PPP2R2B: variants seen among roughly 807,000 people sequenced by gnomAD.
PPP2R2B encodes serine/threonine-protein phosphatase 2A 55 kDa regulatory subunit B beta isoform.
In PPP2R2B, 5 loss-of-function variants were observed where a neutral mutation model predicts 46.0. That is an observed-to-expected ratio of 0.11 (90% CI 0.06 to 0.23). PPP2R2B has a LOEUF of 0.23. Ranked by LOEUF, PPP2R2B falls within the 10% of genes least tolerant of loss-of-function variation. The probability of loss-of-function intolerance (pLI) is 1.00; values close to 1 mark genes in which losing one functional copy is unlikely to be tolerated. For missense variants in PPP2R2B, 367 were observed against 575.0 expected (o/e 0.64, Z 3.70); for synonymous variants, 215 against 206.7 (o/e 1.04, Z -0.34).
intron 5 of PPP2R2B, among the ~76,000 whole-genome samples, chr5:146,656,870 C>T (rs1314390703): frequency 6.6e-6 from 1 of 152,158 alleles, no homozygotes; most frequent in Non-Finnish European, 1.5e-5. Flanking sequence ...CCTCCCTCAC[C>T]ATTCCTTCTG....
rs1392830402 is a variant in PPP2R2B at position 146,667,860 on chromosome 5, A to G, written c.448-17136T>C. Among the ~76,000 whole-genome samples, 5 of 152,172 alleles carry G rather than the reference A, an allele frequency of 3.3e-5. No individual in the cohort carries two copies. The East Asian group carries it at 5.8e-4, about 18-fold the overall frequency. ...AATGAGTCACTCCAGCCCAGATTTT[A>G]TAACACTTTCAGCCCAATTGCTCAG... On this transcript the variant is annotated intron_variant, in intron 5 of 9. Transcript: ENST00000394411.
At chr5:146,813,066 T>C (rs1280565374) in intron 2 of PPP2R2B, among the ~76,000 whole-genome samples, 1 of 150,228 alleles carries the variant, frequency 6.7e-6, no homozygotes, top group Admixed American at 6.7e-5. Flanking sequence ...ACACATCTGG[T>C]GAATCATCCA....
Position 146,644,960 on chromosome 5 carries a change from T to G in PPP2R2B, c.625+5587A>C, listed in dbSNP as rs143106850. Among the ~76,000 whole-genome samples, 966 of 152,280 alleles carry G rather than the reference T, an allele frequency of 6.3e-3. 22 individuals are homozygous for G. The highest frequency in any genetic ancestry group is 0.041 in the Admixed American group (630 of 15,286). ...TTTCCCCAATTCCTGTCTAAGCCAA[T>G]GGAGGATAAGAGAGCCAAGTAGGAC... On this transcript the variant is annotated intron_variant, in intron 6 of 9. Coordinates refer to ENST00000394411, the MANE Select transcript of PPP2R2B (RefSeq NM_181675.4).
chr5:146,882,092 A>G (rs971118754), upstream of PPP2R2B, among the ~76,000 whole-genome samples: 4 of 152,060 alleles, frequency 2.6e-5, no homozygotes, highest in Admixed American at 6.5e-5. Context: ...CCTGGCTAAC[A>G]TGGTGAAACC....
At chr5:146,939,907 T>C (rs1764267630) in intron 1 of PPP2R2B, among the ~76,000 whole-genome samples, 2 of 152,224 alleles carry the variant, frequency 1.3e-5, no homozygotes, top group African/African-American at 4.8e-5. Flanking sequence ...TCAAGTTTTA[T>C]TTACTTGTTT....
At chr5:146,714,018 C>T (rs564590332) in intron 2 of PPP2R2B, among the ~76,000 whole-genome samples, 1 of 151,832 alleles carries the variant, frequency 6.6e-6, no homozygotes, top group East Asian at 1.9e-4. Context: ...GGAGTGAGTG[C>T]ATTAAAATAA....
intron 2 of PPP2R2B, among the ~76,000 whole-genome samples, chr5:146,832,377 A>ATATTTTTTTTTTTTTTTTTTTT (rs1443028400): frequency 9.6e-6 from 1 of 104,298 alleles, no homozygotes. Context: ...GCCATTTTTA[A>ATATTTTTTTTTTTTTTTTTTTT]TCTTTTTTTT....
At chr5:146,738,727 T>C (rs970862821) in intron 2 of PPP2R2B, among the ~76,000 whole-genome samples, 1 of 152,186 alleles carries the variant, frequency 6.6e-6, no homozygotes, top group African/African-American at 2.4e-5. Flanking sequence ...GTCGTTAAAG[T>C]TCTAATTATA....
At chr5:146,793,551 G>A (rs1241297859) in intron 2 of PPP2R2B, among the ~76,000 whole-genome samples, 1 of 152,084 alleles carries the variant, frequency 6.6e-6, no homozygotes, top group Non-Finnish European at 1.5e-5. Context: ...TTATAATTAA[G>A]GAAATCGAGG....
At chr5:146,697,845 A>T in intron 4 of PPP2R2B, 134 bp downstream of exon 4, 1 of 806,578 alleles carries the variant, frequency 1.2e-6, no homozygotes, top group Non-Finnish European at 1.9e-6. Flanking sequence ...GCACTCTGCT[A>T]AGCATCTTGC....
intron 1 of PPP2R2B, among the ~76,000 whole-genome samples, chr5:146,901,006 C>T (rs1314327636): frequency 6.6e-6 from 1 of 152,094 alleles, no homozygotes; most frequent in Non-Finnish European, 1.5e-5. Flanking sequence ...TATATATGTA[C>T]CACATTTTCT....
chr5:146,650,659 T>C lies in PPP2R2B; in HGVS notation c.513A>G (p.Ala171=). 6.2e-7 allele frequency: 1 copy of C among 1,614,078 alleles called. No homozygotes were observed. The highest frequency in any genetic ancestry group is 8.5e-7 in the Non-Finnish European group (1 of 1,179,968). ...ATATGGAGTTGATGTGATATGTGTG[T>C]GCGTTGGCAAATACTCTTCGTGGGG... ...EATPRRVFAN[A]HTYHINSISV... Residue 171 remains alanine, a synonymous_variant, in exon 6 of 10, where the codon GCA becomes GCG. Coordinates refer to ENST00000394411, the MANE Select transcript of PPP2R2B (RefSeq NM_181675.4).
intron 9 of PPP2R2B, 73 bp from the exon 10 acceptor site, chr5:146,590,299 A>G: frequency 6.7e-7 from 1 of 1,489,144 alleles, no homozygotes; most frequent in Non-Finnish European, 9.1e-7. Flanking sequence ...ATACCATGTT[A>G]TGGCCAGCTT....
Position 146,582,777 on chromosome 5 carries a change from C to A in PPP2R2B, c.*7170G>T, listed in dbSNP as rs1001102356. 12 of 152,188 alleles carry A rather than the reference C, an allele frequency of 7.9e-5. No individual in the cohort carries two copies. Among genetic ancestry groups the A allele is most frequent in the African/African-American group, 2.9e-4 (12 of 41,434 alleles). 9.4% of individuals were successfully genotyped at this position (152,188 alleles called of 1,614,324 possible). A position where few individuals can be genotyped will look rare whatever the true frequency, so the allele number is the denominator to read the frequency against. On this transcript the variant is annotated 3_prime_UTR_variant, in exon 10 of 10. Transcript: ENST00000394411. ...AAACAATGATGCAGTCCTCATGGAA[C>A]TAAGGGTGGTTGAGAAAGCATCTCT...
intron 2 of PPP2R2B, among the ~76,000 whole-genome samples, chr5:147,079,467 T>TATATATAC (rs1554091377): frequency 2.1e-5 from 3 of 144,170 alleles, no homozygotes; most frequent in South Asian, 4.4e-4. Flanking sequence ...TATATATATA[T>TATATATAC]ATACATGTGC....
At chr5:146,906,992 G>T (rs1038653453) in intron 1 of PPP2R2B, among the ~76,000 whole-genome samples, 11 of 152,176 alleles carry the variant, frequency 7.2e-5, no homozygotes, top group African/African-American at 2.4e-4. Context: ...ACACAGGAAG[G>T]GGGCGCTGCA....
chr5:146,873,023 C>T (rs1322150859), intron 2 of PPP2R2B, among the ~76,000 whole-genome samples: 1 of 152,170 alleles, frequency 6.6e-6, no homozygotes, highest in African/African-American at 2.4e-5. Context: ...GAGCTTCAGA[C>T]CCAGAAATCC....
In PPP2R2B at chr5:146,585,038, T is replaced by C. The variant is rs1159139824; in HGVS notation, c.*4909A>G. The C allele has an allele frequency of 1.3e-5, 2 of 152,198 alleles. No homozygotes were observed. Among genetic ancestry groups the C allele is most frequent in the African/African-American group, 4.8e-5 (2 of 41,448 alleles). 9.4% of individuals were successfully genotyped at this position (152,198 alleles called of 1,614,324 possible). On this transcript the variant is annotated 3_prime_UTR_variant, in exon 10 of 10. Coordinates refer to ENST00000394411, the MANE Select transcript of PPP2R2B (RefSeq NM_181675.4). Reference sequence around the variant, plus strand: ...ACTTCTGCCCTTCATAGATATCTCATTGTAAAAATGTTTACAGTATGCAAA... The same window carrying C: ...ACTTCTGCCCTTCATAGATATCTCACTGTAAAAATGTTTACAGTATGCAAA...
At chr5:146,929,723 A>G (rs973026191) in intron 1 of PPP2R2B, among the ~76,000 whole-genome samples, 13 of 152,214 alleles carry the variant, frequency 8.5e-5, no homozygotes, top group Admixed American at 6.5e-4. Flanking sequence ...TTGTATAAAT[A>G]AAATAAGCAG....
Sources: allele counts gnomAD v4.1 joint callset (sites outside exome capture counted in the v4.1 genomes callset), GRCh38; gene constraint gnomAD v4.1.1; transcripts MANE v1.5; gene names NCBI Gene and HGNC (gene_info 2026-07-23, HGNC 2026-07-21).